The following BLTP1 variants were observed in gnomAD, a reference collection of about 807,000 sequenced individuals.
BLTP1 encodes fragile site-associated protein.
At chr4:122,328,036 A>T in the BLTP1 span, 6 of 1,206,216 alleles carry the variant, frequency 5.0e-6, no homozygotes, top group South Asian at 9.9e-5. Context: ...AAATGTTTAA[A>T]TTTATATATT....
chr4:122,249,953 C>G, the BLTP1 span: 19 of 979,316 alleles, frequency 1.9e-5, no homozygotes, highest in East Asian at 1.7e-3. Flanking sequence ...TAAAGCCACC[C>G]AATTTTTTGA....
the BLTP1 span, chr4:122,239,608 G>A: frequency 5.6e-6 from 9 of 1,613,930 alleles, no homozygotes; most frequent in Middle Eastern, 1.6e-4. Context: ...CCCTTGAAAC[G>A]ACAAGCCTCT....
At chr4:122,319,622 A>T in the BLTP1 span, among the ~76,000 whole-genome samples, 3 of 150,512 alleles carry the variant, frequency 2.0e-5, no homozygotes, top group Non-Finnish European at 4.4e-5. Flanking sequence ...GTGTACTGCA[A>T]CCACCACCTC....
At chr4:122,156,646 A>G in the BLTP1 span, among the ~76,000 whole-genome samples, 2 of 152,204 alleles carry the variant, frequency 1.3e-5, no homozygotes, top group South Asian at 2.1e-4. Context: ...TTGTAAATGA[A>G]TAGAGAAGGA....
the BLTP1 span, chr4:122,208,726 T>C: frequency 4.6e-6 from 4 of 874,944 alleles, no homozygotes; most frequent in African/African-American, 7.3e-5. Flanking sequence ...TCTTATTCAT[T>C]ATTTACCTGA....
the BLTP1 span, among the ~76,000 whole-genome samples, chr4:122,205,525 CTA>C: frequency 7.0e-6 from 1 of 142,454 alleles, no homozygotes; most frequent in Admixed American, 7.1e-5. Context: ...CTCTCTCTCT[CTA>C]GTGTCAAAGT....
chr4:122,295,792 A>G, the BLTP1 span, among the ~76,000 whole-genome samples: 1 of 152,158 alleles, frequency 6.6e-6, no homozygotes, highest in South Asian at 2.1e-4. Flanking sequence ...GTTCAAATCA[A>G]TAAATGCAAC....
chr4:122,299,895 A>G, the BLTP1 span: 1 of 985,072 alleles, frequency 1.0e-6, no homozygotes, highest in African/African-American at 1.7e-5. Flanking sequence ...TGTATATTTT[A>G]GAGAAGGATA....
chr4:122,188,068 T>C, the BLTP1 span: 11 of 1,513,122 alleles, frequency 7.3e-6, no homozygotes, highest in Non-Finnish European at 9.7e-6. Flanking sequence ...GTCCAAGATA[T>C]GTTGGTCTTC....
chr4:122,176,773 T>C, the BLTP1 span, among the ~76,000 whole-genome samples: 1 of 152,234 alleles, frequency 6.6e-6, no homozygotes, highest in Middle Eastern at 3.2e-3. Context: ...ATTTTCCTAA[T>C]ATTTTGCCGT....
chr4:122,316,549 G>A, the BLTP1 span: 53 of 733,358 alleles, frequency 7.2e-5, no homozygotes, highest in Admixed American at 7.9e-4. Flanking sequence ...ATGGGGAAAC[G>A]TAGGTAGCAA....
the BLTP1 span, among the ~76,000 whole-genome samples, chr4:122,293,825 C>T: frequency 0.05 from 7,605 of 152,284 alleles, 273 homozygotes; most frequent in Non-Finnish European, 0.075. Flanking sequence ...CTGCCTGAGA[C>T]GGCCCCTGGG....
the BLTP1 span, among the ~76,000 whole-genome samples, chr4:122,241,687 G>T: frequency 6.6e-6 from 1 of 152,138 alleles, no homozygotes; most frequent in East Asian, 1.9e-4. Context: ...TGTTTTTAAG[G>T]TTGTACTGTT....
the BLTP1 span, chr4:122,152,368 C>G: frequency 3.0e-6 from 3 of 985,726 alleles, no homozygotes; most frequent in Admixed American, 6.1e-5. Context: ...CCCTCCCCTC[C>G]TCCTCCGCCC....
the BLTP1 span, among the ~76,000 whole-genome samples, chr4:122,163,333 C>T: frequency 3.8e-3 from 583 of 152,322 alleles, 3 homozygotes; most frequent in Middle Eastern, 0.014. Context: ...AAACTACCAT[C>T]GGAGTTATCC....
chr4:122,174,490 G>A, the BLTP1 span: 3 of 1,556,796 alleles, frequency 1.9e-6, no homozygotes, highest in African/African-American at 2.8e-5. Context: ...AATAAATTTA[G>A]TGCTAATGTT....
At chr4:122,169,276 A>G in the BLTP1 span, among the ~76,000 whole-genome samples, 1 of 152,188 alleles carries the variant, frequency 6.6e-6, no homozygotes, top group Non-Finnish European at 1.5e-5. Flanking sequence ...TGTGATGTCC[A>G]AAGATAAGAG....
the BLTP1 span, among the ~76,000 whole-genome samples, chr4:122,350,600 A>T: frequency 6.6e-6 from 1 of 152,208 alleles, no homozygotes; most frequent in Non-Finnish European, 1.5e-5. Context: ...TAATTTCAGT[A>T]AGAGAGAAGT....
the BLTP1 span, chr4:122,271,686 G>T: frequency 2.4e-5 from 38 of 1,584,454 alleles, no homozygotes; most frequent in South Asian, 2.6e-4. Context: ...GATCCAACAG[G>T]AATATTGGAA....
Sources: allele counts gnomAD v4.1 joint callset (sites outside exome capture counted in the v4.1 genomes callset), GRCh38; gene constraint gnomAD v4.1.1; transcripts MANE v1.5; gene names NCBI Gene and HGNC (gene_info 2026-07-23, HGNC 2026-07-21).